Variants in DIP2C observed in about 807,000 individuals in gnomAD.
DIP2C encodes the protein disco-interacting protein 2 homolog C.
Under a neutral mutation model 192.4 loss-of-function variants are expected in DIP2C, and 33 were observed. The observed-to-expected ratio is 0.17, with a 90% CI of 0.13 to 0.23. DIP2C has a LOEUF of 0.23. Ranked by LOEUF, DIP2C falls within the 10% of genes least tolerant of loss-of-function variation. The pLI, the probability that DIP2C is intolerant of heterozygous loss-of-function variation, is 1.00. For synonymous variants in DIP2C, 979 were observed against 864.1 expected, an observed-to-expected ratio of 1.13 and a Z score of -2.33; for missense variants, 1,537 against 2,110.1, an observed-to-expected ratio of 0.73 and a Z score of 5.32.
In DIP2C at chr10:652,346, C is replaced by T. The variant is rs1204230750; in HGVS notation, c.85+37148G>A. The T allele has an allele frequency of 1.0e-5, 2 of 199,352 alleles. No individual in the cohort carries two copies. The highest frequency in any genetic ancestry group is 2.1e-5 in the Non-Finnish European group (2 of 95,314). 12.3% of individuals were successfully genotyped at this position (199,352 alleles called of 1,614,324 possible). On this transcript the variant is annotated intron_variant, in intron 1 of 36. Coordinates refer to ENST00000280886, the MANE Select transcript of DIP2C (RefSeq NM_014974.3). This position sits in a 1 kb window ranked among gnomAD's most constrained non-coding sequence, Gnocchi z 4.5. ...CAGCAGCCTGGGCTCACCTCCCAGCCCGAGGCTGAGAACTGAGTTCCAGTC... is the reference window on the plus strand; with the variant it reads ...CAGCAGCCTGGGCTCACCTCCCAGCTCGAGGCTGAGAACTGAGTTCCAGTC...
At chr10:495,571 A>G (rs933014656) in intron 1 of DIP2C, among the ~76,000 whole-genome samples, 1 of 100,930 alleles carries the variant, frequency 9.9e-6, no homozygotes, top group Non-Finnish European at 1.7e-5. Context: ...CTCAGTGAAC[A>G]AAAAAAAAAA....
chr10:554,376 G>A (rs890383467), intron 1 of DIP2C, among the ~76,000 whole-genome samples: 1 of 152,240 alleles, frequency 6.6e-6, no homozygotes, highest in Non-Finnish European at 1.5e-5. Context: ...GTTTCCTGGA[G>A]AAAGTAACCT....
At chr10:455,442 G>A (rs1437967240) in intron 3 of DIP2C, among the ~76,000 whole-genome samples, 4 of 97,326 alleles carry the variant, frequency 4.1e-5, no homozygotes, top group Admixed American at 9.7e-5. Context: ...AGGGGAGACC[G>A]TGAGGAGTAA....
chr10:555,975 G>GCC (rs1351169476), intron 1 of DIP2C, among the ~76,000 whole-genome samples: 2 of 152,030 alleles, frequency 1.3e-5, no homozygotes, highest in African/African-American at 4.8e-5. Flanking sequence ...TCCTGACCCT[G>GCC]CCCCCAACAC....
At chr10:474,468 G>C (rs549065667) in intron 2 of DIP2C, among the ~76,000 whole-genome samples, 20 of 152,308 alleles carry the variant, frequency 1.3e-4, no homozygotes, top group Middle Eastern at 6.8e-3. Context: ...AACCTGGTGA[G>C]AATCTGTTCA....
chr10:395,850 G>C (rs777839722), intron 10 of DIP2C, among the ~76,000 whole-genome samples: 1 of 152,146 alleles, frequency 6.6e-6, no homozygotes, highest in South Asian at 2.1e-4. Context: ...TCACTGACAC[G>C]TAAGTCCCCA....
At chr10:432,896 T>C (rs914065413) in intron 4 of DIP2C, among the ~76,000 whole-genome samples, 1 of 152,238 alleles carries the variant, frequency 6.6e-6, no homozygotes, top group Non-Finnish European at 1.5e-5. Flanking sequence ...CCTTGAGCAA[T>C]GCATTATTTT....
chr10:553,810 T>TACA (rs1848703736), intron 1 of DIP2C, among the ~76,000 whole-genome samples: 1 of 150,776 alleles, frequency 6.6e-6, no homozygotes, highest in Non-Finnish European at 1.5e-5. Context: ...ACTGTAAGAG[T>TACA]GGCGAACAGG....
rs909772310 is a variant in DIP2C at position 277,272 on chromosome 10, C to G, written c.*53G>C. 6 of 1,595,584 alleles carry G rather than the reference C, an allele frequency of 3.8e-6. No individual in the cohort carries two copies. Among genetic ancestry groups the G allele is most frequent in the Non-Finnish European group, 5.1e-6 (6 of 1,173,022 alleles). On this transcript the variant is annotated 3_prime_UTR_variant, in exon 37 of 37. Transcript: ENST00000280886. ...CTGTGTCTGCACGCTTCAGTGGACA[C>G]GGAGAACAATGTCTACATCTCTAGA...
intron 22 of DIP2C, among the ~76,000 whole-genome samples, chr10:359,870 C>T (rs1182948272): frequency 1.3e-5 from 2 of 152,226 alleles, no homozygotes; most frequent in African/African-American, 2.4e-5. Flanking sequence ...ATTCTCCCAT[C>T]CTGGCCTCCC....
chr10:363,112 C>G lies in DIP2C; in HGVS notation c.2592+85G>C. ...AAGGGCCACCCCATGGGCAAAGCAA[C>G]AGCTGGTCACACCATGATCTGAATG... On this transcript the variant is annotated intron_variant, in intron 21 of 36. Transcript: ENST00000280886. This position sits in a 1 kb window ranked among gnomAD's most constrained non-coding sequence, Gnocchi z 5.4. The G allele has an allele frequency of 8.0e-7, 1 of 1,256,052 alleles. No homozygotes were observed. The allele number at this position is 1,256,052 out of a possible 1,614,324, so 77.8% of individuals were successfully genotyped here. A position where few individuals can be genotyped will look rare whatever the true frequency, so the allele number is the denominator to read the frequency against.
chr10:378,404 CAG>C (rs749412691), intron 17 of DIP2C, among the ~76,000 whole-genome samples: 1 of 152,170 alleles, frequency 6.6e-6, no homozygotes, highest in East Asian at 1.9e-4. Flanking sequence ...CAGGTGAAGA[CAG>C]ACATGAAGGC....
At chr10:553,665 T>A (rs1848695322) in intron 1 of DIP2C, among the ~76,000 whole-genome samples, 2 of 152,140 alleles carry the variant, frequency 1.3e-5, no homozygotes, top group Non-Finnish European at 2.9e-5. Context: ...GAAGAAAAGG[T>A]ATATAGCTTG....
At chr10:300,298 A>G (rs941893372) in intron 32 of DIP2C, among the ~76,000 whole-genome samples, 7 of 152,238 alleles carry the variant, frequency 4.6e-5, no homozygotes, top group African/African-American at 1.7e-4. Flanking sequence ...GTACAAGGAA[A>G]TATTATTCAA....
At chr10:580,603 A>G (rs529413754) in intron 1 of DIP2C, among the ~76,000 whole-genome samples, 7 of 152,372 alleles carry the variant, frequency 4.6e-5, no homozygotes, top group African/African-American at 1.4e-4. Flanking sequence ...CATTGTAAAT[A>G]CATGTACAAT....
chr10:486,664 G>A, intron 1 of DIP2C, 134 bp from the exon 2 acceptor site: 1 of 669,788 alleles, frequency 1.5e-6, no homozygotes, highest in Non-Finnish European at 2.4e-6. Context: ...AGCAAGCACT[G>A]CACATCAAAC....
chr10:555,160 C>G (rs1848780943), intron 1 of DIP2C, among the ~76,000 whole-genome samples: 1 of 151,270 alleles, frequency 6.6e-6, no homozygotes, highest in Non-Finnish European at 1.5e-5. Context: ...ATATGAGACC[C>G]AAAATTTAGT....
chr10:493,123 T>G (rs1173961910), intron 1 of DIP2C, among the ~76,000 whole-genome samples: 1 of 152,228 alleles, frequency 6.6e-6, no homozygotes, highest in Non-Finnish European at 1.5e-5. Flanking sequence ...CTGGGGGCTC[T>G]GCACGAGGTC....
At chr10:367,002 T>C (rs1960307363) in intron 18 of DIP2C, among the ~76,000 whole-genome samples, 1 of 152,196 alleles carries the variant, frequency 6.6e-6, no homozygotes. Flanking sequence ...AGCCTCAGGC[T>C]TCAGAAGGGT....
Sources: allele counts gnomAD v4.1 joint callset (sites outside exome capture counted in the v4.1 genomes callset), GRCh38; gene constraint gnomAD v4.1.1; non-coding constraint Gnocchi (gnomAD v3.1); transcripts MANE v1.5; gene names NCBI Gene and HGNC (gene_info 2026-07-23, HGNC 2026-07-21).